Variants in DOCK9 observed in about 807,000 individuals in gnomAD.
The protein encoded by DOCK9 is dedicator of cytokinesis 9, also known as dedicator of cytokinesis protein 9.
In DOCK9, 89 loss-of-function variants were observed where a neutral mutation model predicts 263.3. That is an observed-to-expected ratio of 0.34 (90% CI 0.28 to 0.40). The LOEUF (loss-of-function observed/expected upper bound fraction) is 0.40, where lower values mean the gene tolerates loss of function less well. Among genes scored for constraint, DOCK9 ranks in the 10% least tolerant of loss-of-function variants. The pLI is 1.00. For missense variants in DOCK9, 2,140 were observed against 2,603.4 expected (o/e 0.82, Z 3.87); for synonymous variants, 976 against 973.1 (o/e 1.00, Z -0.06).
chr13:99,063,893 C>G (rs1462399598), intron 1 of DOCK9, among the ~76,000 whole-genome samples: 1 of 152,126 alleles, frequency 6.6e-6, no homozygotes, highest in Non-Finnish European at 1.5e-5. Flanking sequence ...GTTGACACAC[C>G]AACCTGTCCG....
At chr13:98,801,740 T>C (rs1358893312) in intron 49 of DOCK9, among the ~76,000 whole-genome samples, 2 of 152,194 alleles carry the variant, frequency 1.3e-5, no homozygotes, top group Non-Finnish European at 2.9e-5. Flanking sequence ...GGTCCTGGTC[T>C]CTAGTTAGCA....
At chr13:98,811,893 T>C (rs1230786665) in intron 45 of DOCK9, among the ~76,000 whole-genome samples, 1 of 152,236 alleles carries the variant, frequency 6.6e-6, no homozygotes, top group Non-Finnish European at 1.5e-5. Flanking sequence ...TTTTACATTT[T>C]ACATTTTAGA....
chr13:98,927,982 T>C (rs1034493580), intron 3 of DOCK9, among the ~76,000 whole-genome samples: 2 of 136,744 alleles, frequency 1.5e-5, no homozygotes, highest in African/African-American at 5.6e-5. Flanking sequence ...CATATATTTA[T>C]AATTATAAGG....
At chr13:98,849,057 A>C (rs2093479490) in intron 36 of DOCK9, among the ~76,000 whole-genome samples, 1 of 152,168 alleles carries the variant, frequency 6.6e-6, no homozygotes, top group Admixed American at 6.6e-5. Flanking sequence ...TTTGGCTCAA[A>C]TATATGGATT....
intron 26 of DOCK9, 23 bp downstream of exon 26, chr13:98,880,524 C>A: frequency 6.2e-7 from 1 of 1,613,464 alleles, no homozygotes; most frequent in African/African-American, 1.3e-5. Context: ...TCAATCAGAG[C>A]CACACTGACT....
chr13:98,835,696 G>C (rs558142347), intron 39 of DOCK9, among the ~76,000 whole-genome samples: 11 of 148,168 alleles, frequency 7.4e-5, no homozygotes, highest in Admixed American at 6.1e-4. Context: ...GATATTTAGA[G>C]ATCCAGGAAT....
intron 1 of DOCK9, among the ~76,000 whole-genome samples, chr13:99,048,033 G>A (rs2040517791): frequency 6.6e-6 from 1 of 152,186 alleles, no homozygotes; most frequent in Non-Finnish European, 1.5e-5. Context: ...TTTGGGGGCA[G>A]CACCAGGGAC....
Position 98,860,425 on chromosome 13 carries a change from A to T in DOCK9, c.3677T>A (p.Leu1226Gln). ...TLDNSLHKDL[L>Q]GAISGIASPY... ...GTTACCAATGCCGGAGATGGCGCCCAGCAGGTCCTTGTGCAGGCTGTTGTC... is the reference window on the plus strand; with the variant it reads ...GTTACCAATGCCGGAGATGGCGCCCTGCAGGTCCTTGTGCAGGCTGTTGTC... Residue 1226 changes from leucine (L) to glutamine (Q), a missense_variant, in exon 33 of 53, where the codon CTG (leucine) becomes CAG (glutamine). Around this residue, in one of 2 missense-constraint regions of DOCK9, gnomAD observed 1,521 missense variants for 1,741.7 expected, o/e 0.87. Transcript: ENST00000682017. 1 of 1,591,528 alleles carries T rather than the reference A, an allele frequency of 6.3e-7. No homozygotes were observed. The highest frequency in any genetic ancestry group is 8.6e-7 in the Non-Finnish European group (1 of 1,167,902).
intron 23 of DOCK9, among the ~76,000 whole-genome samples, 198 bp from the exon 24 acceptor site, chr13:98,882,205 A>G (rs1196594916): frequency 6.6e-6 from 1 of 152,014 alleles, no homozygotes; most frequent in African/African-American, 2.4e-5. Context: ...AGGGGAGGTA[A>G]GGCTGCTAGT....
At chr13:98,910,805 A>G (rs929695093) in intron 9 of DOCK9, among the ~76,000 whole-genome samples, 2 of 151,988 alleles carry the variant, frequency 1.3e-5, no homozygotes, top group Admixed American at 6.6e-5. Flanking sequence ...TCCTTCCCTG[A>G]TACTGACCTC....
chr13:99,020,226 A>G (rs773039763), intron 1 of DOCK9, among the ~76,000 whole-genome samples: 4 of 152,222 alleles, frequency 2.6e-5, no homozygotes, highest in Admixed American at 6.5e-5. Flanking sequence ...AGAAATATGT[A>G]AGTACCTATT....
chr13:98,997,760 CCT>C (rs1015131553), intron 1 of DOCK9, among the ~76,000 whole-genome samples: 5 of 152,198 alleles, frequency 3.3e-5, no homozygotes, highest in African/African-American at 1.2e-4. Flanking sequence ...CCAGTCACCC[CCT>C]GACTTTGTGC....
intron 10 of DOCK9, 24 bp from the exon 11 acceptor site, chr13:98,903,136 T>A: frequency 1.4e-6 from 2 of 1,473,678 alleles, no homozygotes; most frequent in Non-Finnish European, 1.8e-6. Context: ...TGTAAACATA[T>A]AAATAAGTTA....
chr13:98,887,143 A>ATATATTTTTT (rs1470080750), intron 18 of DOCK9, among the ~76,000 whole-genome samples: 1 of 95,294 alleles, frequency 1.0e-5, no homozygotes, highest in African/African-American at 4.3e-5. Flanking sequence ...ATATATATAT[A>ATATATTTTTT]TTTTTTTTTT....
At chr13:99,026,295 G>T (rs534498132) in intron 1 of DOCK9, among the ~76,000 whole-genome samples, 49 of 152,252 alleles carry the variant, frequency 3.2e-4, no homozygotes, top group African/African-American at 1.1e-3. Context: ...TCCTGATAAA[G>T]GTGTTTCTTT....
intron 14 of DOCK9, 130 bp from the exon 15 acceptor site, chr13:98,897,740 C>T (rs1595096446): frequency 7.6e-6 from 10 of 1,315,496 alleles, no homozygotes; most frequent in Middle Eastern, 2.1e-4. Context: ...ATCTCATTAT[C>T]TAAAAACATG....
chr13:99,029,775 T>C (rs938989541), intron 1 of DOCK9, among the ~76,000 whole-genome samples: 1 of 152,180 alleles, frequency 6.6e-6, no homozygotes, highest in Admixed American at 6.5e-5. Context: ...GCAATTCCAC[T>C]CCTAGGTATC....
intron 1 of DOCK9, among the ~76,000 whole-genome samples, chr13:99,083,754 T>A (rs555678544): frequency 6.6e-6 from 1 of 152,354 alleles, no homozygotes; most frequent in South Asian, 2.1e-4. Flanking sequence ...TATGTTTACA[T>A]TTTAAAGCTT....
chr13:98,887,778 A>G (rs2046012480), intron 18 of DOCK9, among the ~76,000 whole-genome samples: 2 of 152,148 alleles, frequency 1.3e-5, no homozygotes, highest in Non-Finnish European at 2.9e-5. Context: ...ACTATACTGT[A>G]GTAAACATTT....
Sources: allele counts gnomAD v4.1 joint callset (sites outside exome capture counted in the v4.1 genomes callset), GRCh38; gene constraint gnomAD v4.1.1; regional missense constraint gnomAD v4.1.1; transcripts MANE v1.5; gene names NCBI Gene and HGNC (gene_info 2026-07-23, HGNC 2026-07-21).